The following MCTP1 variants were observed in gnomAD, a reference collection of about 807,000 sequenced individuals.
The protein encoded by MCTP1 is multiple C2 and transmembrane domain-containing protein 1.
Under a neutral mutation model 120.6 loss-of-function variants are expected in MCTP1, and 69 were observed. That is an observed-to-expected ratio of 0.57 (90% confidence interval 0.47 to 0.70). MCTP1 has a LOEUF of 0.70. Ranked by LOEUF, MCTP1 falls within the 30% of genes least tolerant of loss-of-function variation. The probability of loss-of-function intolerance (pLI) is 0.00; values close to 1 mark genes in which losing one functional copy is unlikely to be tolerated. For missense variants in MCTP1, 1,203 were observed against 1,248.8 expected (o/e 0.96, Z 0.55); for synonymous variants, 529 against 493.1 (o/e 1.07, Z -0.96).
chr5:95,240,561 A>G (rs954870438), intron 1 of MCTP1, among the ~76,000 whole-genome samples: 2 of 152,220 alleles, frequency 1.3e-5, no homozygotes, highest in African/African-American at 4.8e-5. Context: ...TCACTGCACT[A>G]TGGACCTTTT....
chr5:94,806,321 C>A lies in MCTP1; in HGVS notation c.2437-7189G>T, dbSNP rs541884184. Reference sequence around the variant, plus strand: ...CTTTTTCAAATAAAGATTAAACAAACAAACAAAAATCTGTTCTGCTGAGAA... The same window carrying A: ...CTTTTTCAAATAAAGATTAAACAAAAAAACAAAAATCTGTTCTGCTGAGAA... On this transcript the variant is annotated intron_variant, in intron 17 of 22. Coordinates refer to ENST00000515393, the MANE Select transcript of MCTP1 (RefSeq NM_024717.7). Among the ~76,000 whole-genome samples the A allele has an allele frequency of 4.0e-5, 6 of 151,506 alleles. No homozygotes were observed. The East Asian group carries it at 1.2e-3, about 29-fold the overall frequency.
intron 8 of MCTP1, among the ~76,000 whole-genome samples, chr5:94,914,398 C>T (rs1581329583): frequency 6.6e-6 from 1 of 152,316 alleles, no homozygotes; most frequent in Non-Finnish European, 1.5e-5. Flanking sequence ...ACCAGAGCAA[C>T]GCCATAGGTA....
intron 17 of MCTP1, among the ~76,000 whole-genome samples, chr5:94,832,013 A>G (rs767733419): frequency 3.3e-5 from 5 of 152,242 alleles, no homozygotes; most frequent in African/African-American, 1.2e-4. Flanking sequence ...TTACTGATCA[A>G]GTAGCAACCT....
intron 1 of MCTP1, among the ~76,000 whole-genome samples, chr5:95,087,240 T>C (rs1755502932): frequency 1.3e-5 from 2 of 152,158 alleles, no homozygotes; most frequent in African/African-American, 4.8e-5. Flanking sequence ...TGACAGTAAA[T>C]TTGAAAATGA....
At position 94,799,150 on chromosome 5, in the gene MCTP1, G is replaced by A. The variant is rs1284916746; in HGVS notation, c.2437-18C>T. The A allele has an allele frequency of 1.2e-6, 2 of 1,606,556 alleles. No individual in the cohort carries two copies. The highest frequency in any genetic ancestry group is 2.7e-5 in the African/African-American group (2 of 74,464). Reference sequence around the variant, plus strand: ...AGAAAGAGCTGGAGGAGATAGAAGAGAGAAGAAGGGATGAGTCAACACTGA... The same window carrying A: ...AGAAAGAGCTGGAGGAGATAGAAGAAAGAAGAAGGGATGAGTCAACACTGA... On this transcript the variant is annotated intron_variant, in intron 17 of 22. Transcript: ENST00000515393.
chr5:94,881,719 T>C (rs1800121376), intron 12 of MCTP1, among the ~76,000 whole-genome samples: 4 of 152,122 alleles, frequency 2.6e-5, no homozygotes, highest in Admixed American at 2.6e-4. Context: ...GTGAGATTAG[T>C]CATATATGAT....
chr5:94,989,522 G>A lies in MCTP1; in HGVS notation c.838+27845C>T, dbSNP rs114338407. Among the ~76,000 whole-genome samples, 837 of 152,224 alleles carry A rather than the reference G, an allele frequency of 5.5e-3. 5 individuals are homozygous for A. Among genetic ancestry groups the A allele is most frequent in the African/African-American group, 0.019 (781 of 41,542 alleles). On this transcript the variant is annotated intron_variant, in intron 2 of 22. Transcript: ENST00000515393. Reference sequence around the variant, plus strand: ...TTAAAATCCTTGTAATTTCTTGAGCGATAGAAGCATCTTTTGTTACAATAT... The same window carrying A: ...TTAAAATCCTTGTAATTTCTTGAGCAATAGAAGCATCTTTTGTTACAATAT...
In MCTP1 at chr5:94,705,323, G is replaced by A. The variant is rs1313422827; in HGVS notation, c.*2173C>T. On this transcript the variant is annotated 3_prime_UTR_variant, in exon 23 of 23. Coordinates refer to ENST00000515393, the MANE Select transcript of MCTP1 (RefSeq NM_024717.7). ...AGATTTCCCTGAATATCACTTTTGT[G>A]CCTCAAGCTAGTTCTTATTCCTCTG... is the stretch of plus-strand genomic sequence containing the variant. 1 of 151,438 alleles carries A rather than the reference G, an allele frequency of 6.6e-6. No homozygotes were observed. The highest frequency in any genetic ancestry group is 2.4e-5 in the African/African-American group (1 of 41,342). The allele number at this position is 151,438 out of a possible 1,614,324, so 9.4% of individuals were successfully genotyped here.
intron 1 of MCTP1, among the ~76,000 whole-genome samples, chr5:95,103,363 C>A (rs1214136198): frequency 1.3e-5 from 2 of 151,622 alleles, no homozygotes; most frequent in African/African-American, 4.8e-5. Flanking sequence ...GCAGAAACAG[C>A]AAGTATAAAG....
chr5:94,761,885 T>C (rs1771434907), intron 19 of MCTP1, among the ~76,000 whole-genome samples: 1 of 152,242 alleles, frequency 6.6e-6, no homozygotes, highest in South Asian at 2.1e-4. Flanking sequence ...TGGCTTCCAC[T>C]GGGTCTCTTG....
At chr5:94,840,407 C>T (rs1312927178) in intron 17 of MCTP1, among the ~76,000 whole-genome samples, 1 of 152,154 alleles carries the variant, frequency 6.6e-6, no homozygotes, top group African/African-American at 2.4e-5. Context: ...TAGTAGGGGC[C>T]TGGGAAGATG....
At chr5:94,963,482 T>TC (rs998471003) in intron 2 of MCTP1, among the ~76,000 whole-genome samples, 4 of 151,800 alleles carry the variant, frequency 2.6e-5, no homozygotes, top group Non-Finnish European at 5.9e-5. Flanking sequence ...TTCTTTTTTT[T>TC]TTTTTAATAA....
chr5:94,827,365 T>C (rs1037557351), intron 17 of MCTP1, among the ~76,000 whole-genome samples: 2 of 152,212 alleles, frequency 1.3e-5, no homozygotes, highest in Non-Finnish European at 2.9e-5. Context: ...CTTACCTTTG[T>C]GGGTAACCCG....
At chr5:95,037,869 A>T (rs551550395) in intron 1 of MCTP1, among the ~76,000 whole-genome samples, 2 of 152,292 alleles carry the variant, frequency 1.3e-5, no homozygotes, top group East Asian at 3.9e-4. Flanking sequence ...TCTGTCTCAA[A>T]AAAACAAAAA....
At chr5:94,962,974 C>G (rs780411895) in intron 2 of MCTP1, among the ~76,000 whole-genome samples, 27 of 152,190 alleles carry the variant, frequency 1.8e-4, no homozygotes, top group Non-Finnish European at 3.7e-4. Flanking sequence ...AAGTTGGCAC[C>G]TTGCTGCTGT....
rs778470687 is a variant in MCTP1, at chr5:94,924,039, T to C, written c.1213-18A>G. 2.9e-6 allele frequency: 4 copies of C among 1,358,378 alleles called. No individual in the cohort carries two copies. The highest frequency in any genetic ancestry group is 4.0e-6 in the Non-Finnish European group (4 of 1,004,172). The allele number at this position is 1,358,378 out of a possible 1,614,324, so 84.1% of individuals were successfully genotyped here. On this transcript the variant is annotated intron_variant, in intron 6 of 22. Transcript: ENST00000515393. ...GAAAGTTCCTAGAAACAAACAAATA[T>C]TTAGCTACATTTTGAGATGTTTTTG...
chr5:94,777,785 T>C (rs189139237), intron 19 of MCTP1, among the ~76,000 whole-genome samples: 6 of 152,244 alleles, frequency 3.9e-5, no homozygotes, highest in Admixed American at 2.6e-4. Context: ...CAAGCACATA[T>C]GTGTTTTTGC....
chr5:94,884,852 A>G (rs1181575240), intron 12 of MCTP1, among the ~76,000 whole-genome samples: 1 of 152,208 alleles, frequency 6.6e-6, no homozygotes, highest in Non-Finnish European at 1.5e-5. Context: ...TGTTACTTAA[A>G]TATTTTCCAA....
intron 2 of MCTP1, among the ~76,000 whole-genome samples, chr5:95,000,010 A>G (rs1833359884): frequency 6.6e-6 from 1 of 152,114 alleles, no homozygotes; most frequent in African/African-American, 2.4e-5. Flanking sequence ...ATAGAAATTA[A>G]CTCTCAGGAT....
Sources: allele counts gnomAD v4.1 joint callset (sites outside exome capture counted in the v4.1 genomes callset), GRCh38; gene constraint gnomAD v4.1.1; transcripts MANE v1.5; gene names NCBI Gene and HGNC (gene_info 2026-07-23, HGNC 2026-07-21).